Variants in TASP1 observed in about 807,000 individuals in gnomAD.
TASP1 encodes taspase 1.
Under a neutral mutation model 56.6 loss-of-function variants are expected in TASP1, and 16 were observed. The observed-to-expected ratio is 0.28, with a 90% CI of 0.19 to 0.43. The LOEUF (loss-of-function observed/expected upper bound fraction) is 0.43, where lower values mean the gene tolerates loss of function less well. Ranked by LOEUF, TASP1 falls within the 20% of genes least tolerant of loss-of-function variation. The probability of loss-of-function intolerance (pLI) is 1.00; values close to 1 mark genes in which losing one functional copy is unlikely to be tolerated. For missense variants in TASP1, 393 were observed against 511.6 expected, an observed-to-expected ratio of 0.77 and a Z score of 2.24; for synonymous variants, 179 against 184.2, an observed-to-expected ratio of 0.97 and a Z score of 0.23.
intron 8 of TASP1, among the ~76,000 whole-genome samples, chr20:13,552,442 T>C (rs1039625720): frequency 1.3e-5 from 2 of 152,258 alleles, no homozygotes; most frequent in African/African-American, 2.4e-5. Context: ...AAATGAAAGA[T>C]AAATGAAGTT....
At chr20:13,200,334 G>T in the TASP1 span, among the ~76,000 whole-genome samples, 1 of 152,188 alleles carries the variant, frequency 6.6e-6, no homozygotes, top group Non-Finnish European at 1.5e-5. Flanking sequence ...CCTTTGAATT[G>T]CAATTATGCT....
At chr20:13,445,004 T>G (rs1320821052) in intron 11 of TASP1, among the ~76,000 whole-genome samples, 1 of 152,060 alleles carries the variant, frequency 6.6e-6, no homozygotes, top group African/African-American at 2.4e-5. Context: ...GAGAGGAGAG[T>G]TGAATTGAAA....
chr20:13,620,203 T>TA (rs1203404740), intron 4 of TASP1, among the ~76,000 whole-genome samples: 10 of 151,786 alleles, frequency 6.6e-5, no homozygotes, highest in South Asian at 2.1e-4. Flanking sequence ...TAAGAAAAGC[T>TA]AAAAAATGAT....
intron 1 of TASP1, among the ~76,000 whole-genome samples, chr20:13,633,545 G>C (rs1377570967): frequency 6.6e-6 from 1 of 152,144 alleles, no homozygotes; most frequent in African/African-American, 2.4e-5. Flanking sequence ...ATAAGCTACA[G>C]GGAATCCAAA....
rs114167196 is a variant in TASP1, at chr20:13,538,611, C to T, written c.676-4470G>A. ...CAATAATGCCATCATAAAGCTTTCA[C>T]ATCTCTGAGTATCCTAAACACAGAG... On this transcript the variant is annotated intron_variant, in intron 8 of 13. Transcript: ENST00000337743. Among the ~76,000 whole-genome samples the T allele has an allele frequency of 4.7e-3, 711 of 152,284 alleles. 4 individuals are homozygous for T. Among genetic ancestry groups the T allele is most frequent in the African/African-American group, 0.015 (632 of 41,558 alleles).
At chr20:13,335,104 G>A in the TASP1 span, among the ~76,000 whole-genome samples, 2 of 152,184 alleles carry the variant, frequency 1.3e-5, no homozygotes, top group African/African-American at 4.8e-5. Context: ...GTCTACCACA[G>A]CACAGCTGAG....
the TASP1 span, among the ~76,000 whole-genome samples, chr20:13,200,833 G>A: frequency 6.6e-6 from 1 of 152,212 alleles, no homozygotes; most frequent in African/African-American, 2.4e-5. Flanking sequence ...AGCTTCATTA[G>A]CCATAATGAT....
the TASP1 span, among the ~76,000 whole-genome samples, chr20:13,259,483 A>G: frequency 1.3e-5 from 2 of 152,208 alleles, no homozygotes; most frequent in Non-Finnish European, 2.9e-5. Flanking sequence ...TGAATCTCAT[A>G]CAAATAAAGA....
the TASP1 span, among the ~76,000 whole-genome samples, chr20:13,222,089 G>C: frequency 6.6e-6 from 1 of 152,196 alleles, no homozygotes; most frequent in African/African-American, 2.4e-5. Context: ...CGGAGCGGGG[G>C]CACGTGCCTG....
chr20:13,259,794 A>G, the TASP1 span, among the ~76,000 whole-genome samples: 1 of 152,332 alleles, frequency 6.6e-6, no homozygotes, highest in East Asian at 1.9e-4. Context: ...GTGAAGATAC[A>G]TGCTCCTACA....
At chr20:13,110,125 A>G in the TASP1 span, 12 of 1,612,120 alleles carry the variant, frequency 7.4e-6, no homozygotes, top group Non-Finnish European at 1.0e-5. Context: ...CACAAAGCCT[A>G]GAGAAGCTCC....
the TASP1 span, among the ~76,000 whole-genome samples, chr20:13,296,627 AG>A: frequency 6.6e-6 from 1 of 152,180 alleles, no homozygotes; most frequent in Non-Finnish European, 1.5e-5. Context: ...TCTTTCCAAA[AG>A]GGACCCTTAA....
intron 11 of TASP1, among the ~76,000 whole-genome samples, chr20:13,436,349 T>TAA (rs376918473): frequency 4.1e-4 from 58 of 141,868 alleles, no homozygotes; most frequent in East Asian, 2.2e-3. Flanking sequence ...AGGGTTGTTT[T>TAA]AAAAAAAAAA....
At chr20:13,213,162 A>G in the TASP1 span, among the ~76,000 whole-genome samples, 1 of 151,156 alleles carries the variant, frequency 6.6e-6, no homozygotes, top group South Asian at 2.1e-4. Context: ...TTGTTGAAAG[A>G]TTATTTCAAC....
At chr20:13,499,785 T>C (rs1463657155) in intron 10 of TASP1, among the ~76,000 whole-genome samples, 1 of 152,126 alleles carries the variant, frequency 6.6e-6, no homozygotes, top group Non-Finnish European at 1.5e-5. Flanking sequence ...AACCATGGAA[T>C]ACTATGCAGC....
chr20:13,121,555 C>T, the TASP1 span, among the ~76,000 whole-genome samples: 9 of 152,108 alleles, frequency 5.9e-5, no homozygotes, highest in South Asian at 4.1e-4. Flanking sequence ...TCCAAATGGA[C>T]GTGGAAACCT....
At chr20:13,493,943 G>GA (rs553080869) in intron 10 of TASP1, among the ~76,000 whole-genome samples, 58 of 151,874 alleles carry the variant, frequency 3.8e-4, no homozygotes, top group African/African-American at 1.4e-3. Context: ...AGGGAAGGAG[G>GA]AAAAAAAATC....
intron 11 of TASP1, among the ~76,000 whole-genome samples, chr20:13,471,891 A>C (rs938848227): frequency 6.6e-6 from 1 of 152,166 alleles, no homozygotes; most frequent in Non-Finnish European, 1.5e-5. Context: ...AGGAAGCGCA[A>C]GGGGTCAGAG....
chr20:13,174,621 C>A, the TASP1 span, among the ~76,000 whole-genome samples: 1 of 151,696 alleles, frequency 6.6e-6, no homozygotes, highest in Non-Finnish European at 1.5e-5. Context: ...ATCACTTGAG[C>A]CTGGGAAGTC....
Sources: gnomAD v4.1 joint callset for allele counts (sites outside exome capture counted in the v4.1 genomes callset) on GRCh38, gnomAD v4.1.1 for gene constraint, MANE v1.5 for transcripts, NCBI Gene and HGNC (gene_info 2026-07-23, HGNC 2026-07-21) for gene names.